Variants in TOX2 observed in about 807,000 individuals in gnomAD.
TOX2 encodes granulosa cell HMG box 1.
In TOX2, 15 loss-of-function variants were observed where a neutral mutation model predicts 47.4. That is an observed-to-expected ratio of 0.32 (90% confidence interval 0.21 to 0.49). TOX2 has a LOEUF of 0.49. TOX2 is among the 20% of genes least tolerant of loss of function. TOX2 has a pLI of 0.99. For synonymous variants in TOX2, 290 were observed against 296.6 expected (o/e 0.98, Z 0.23); for missense variants, 622 against 673.1 (o/e 0.92, Z 0.84).
At chr20:44,052,308 C>T (rs1333544749) in intron 4 of TOX2, among the ~76,000 whole-genome samples, 1 of 152,230 alleles carries the variant, frequency 6.6e-6, no homozygotes, top group Non-Finnish European at 1.5e-5. Context: ...AATCCACCTC[C>T]CGGTGAGAGA....
chr20:43,966,763 A>G (rs1214198013), intron 1 of TOX2, among the ~76,000 whole-genome samples: 1 of 151,526 alleles, frequency 6.6e-6, no homozygotes, highest in African/African-American at 2.4e-5. Flanking sequence ...CAAAAAAAAA[A>G]AAAAAAAGTG....
chr20:43,960,692 A>G (rs1161824418), intron 1 of TOX2, among the ~76,000 whole-genome samples: 1 of 152,222 alleles, frequency 6.6e-6, no homozygotes, highest in East Asian at 1.9e-4. Flanking sequence ...TTTAAAGCAC[A>G]TGCTGATTTC....
rs943804416 is a variant in TOX2 at position 44,066,020 on chromosome 20, G to A, written c.1269G>A (p.Met423Ile). 6.8e-6 allele frequency: 11 copies of A among 1,609,748 alleles called. No homozygotes were observed. Among genetic ancestry groups the A allele is most frequent in the Non-Finnish European group, 9.3e-6 (11 of 1,178,634 alleles). The change falls in exon 7 of 9, where the codon ATG becomes ATA. Residue 423 changes from methionine to isoleucine, a missense_variant. Transcript: ENST00000341197. ...QGALLSPPVSMSPAPQPPVLP... is the reference protein window; with the variant it reads ...QGALLSPPVSISPAPQPPVLP... ...CCCTCCTCAGTCCACCTGTTAGCAT[G>A]TCCCCAGCCCCCCAGCCCCCTGTCC... is the stretch of plus-strand genomic sequence containing the variant.
intron 2 of TOX2, among the ~76,000 whole-genome samples, chr20:43,988,590 GT>G (rs1481727586): frequency 2.0e-5 from 3 of 152,194 alleles, no homozygotes; most frequent in African/African-American, 7.2e-5. Context: ...TGAGATTTTA[GT>G]TTCCGTTTAT....
intron 5 of TOX2, among the ~76,000 whole-genome samples, chr20:44,058,795 T>A (rs946882097): frequency 1.3e-5 from 2 of 152,048 alleles, no homozygotes; most frequent in Admixed American, 1.3e-4. Flanking sequence ...AGAAGAGAAA[T>A]AACAATCACT....
At chr20:43,954,089 G>C (rs1216154792) in intron 1 of TOX2, among the ~76,000 whole-genome samples, 1 of 152,130 alleles carries the variant, frequency 6.6e-6, no homozygotes, top group Non-Finnish European at 1.5e-5. Flanking sequence ...TTCCCATCTG[G>C]GATGAAATCC....
intron 3 of TOX2, chr20:44,038,984 G>A: frequency 8.4e-7 from 1 of 1,196,086 alleles, no homozygotes; most frequent in Non-Finnish European, 1.1e-6. Flanking sequence ...TGCAGATGTG[G>A]CTCGGGAGCG....
At chr20:43,953,350 T>A (rs1165611062) in intron 1 of TOX2, among the ~76,000 whole-genome samples, 2 of 152,212 alleles carry the variant, frequency 1.3e-5, no homozygotes, top group Non-Finnish European at 2.9e-5. Context: ...CGCCTCTGTC[T>A]GCTCAGACAG....
At chr20:43,978,435 A>G (rs1392068873) in intron 2 of TOX2, among the ~76,000 whole-genome samples, 1 of 152,144 alleles carries the variant, frequency 6.6e-6, no homozygotes, top group Non-Finnish European at 1.5e-5. Flanking sequence ...AGAGGAAGCT[A>G]AACTAAGAGT....
intron 1 of TOX2, among the ~76,000 whole-genome samples, chr20:43,964,906 C>T (rs1345735743): frequency 6.6e-6 from 1 of 152,188 alleles, no homozygotes; most frequent in Non-Finnish European, 1.5e-5. Flanking sequence ...TTGCTTCCTA[C>T]ATCATGGAGC....
rs970154008 is a variant in TOX2, at chr20:44,055,096, A to AC, written c.879+573dup. The stretch of plus-strand genomic sequence containing the variant: ...CGGTATGTCACTGAATCCTTACAAC[A>AC]CCCTGTGGAGTAGCCATTGCTTTCC... On this transcript the variant is annotated intron_variant, in intron 5 of 8. Coordinates refer to ENST00000341197, the MANE Select transcript of TOX2 (RefSeq NM_001098797.2). Among the ~76,000 whole-genome samples the AC allele has an allele frequency of 5.3e-5, 8 of 152,094 alleles. No homozygotes were observed. In the South Asian group the frequency reaches 1.5e-3, roughly 28 times the overall value.
intron 3 of TOX2, among the ~76,000 whole-genome samples, chr20:44,015,122 G>A (rs2070856747): frequency 6.6e-6 from 1 of 152,140 alleles, no homozygotes; most frequent in Non-Finnish European, 1.5e-5. Context: ...GATGGAAGTA[G>A]GGGGAGCACT....
At chr20:44,036,703 C>T (rs947563089) in intron 3 of TOX2, among the ~76,000 whole-genome samples, 1 of 152,260 alleles carries the variant, frequency 6.6e-6, no homozygotes, top group Non-Finnish European at 1.5e-5. Context: ...GCATTCTCAT[C>T]TATGGCTGCT....
In TOX2 at chr20:43,916,183, ACG is replaced by A; in HGVS notation, c.99+1196_99+1197del. On this transcript the variant is annotated intron_variant, in intron 1 of 8. Transcript: ENST00000341197. This position sits in a 1 kb window ranked among gnomAD's most constrained non-coding sequence, Gnocchi z 5.0. Reference sequence around the variant, plus strand: ...TGGGTTTCCCGCAGCCCTGGCGCAGACGCGTGGGCTCCGTGGCGATGCGGGGT... The same window carrying A: ...TGGGTTTCCCGCAGCCCTGGCGCAGACGTGGGCTCCGTGGCGATGCGGGGT... 1 of 985,514 alleles carries A rather than the reference ACG, an allele frequency of 1.0e-6. No individual in the cohort carries two copies. Among genetic ancestry groups the A allele is most frequent in the Non-Finnish European group, 1.2e-6 (1 of 829,976 alleles). 61.0% of individuals were successfully genotyped at this position (985,514 alleles called of 1,614,324 possible). A position where few individuals can be genotyped will look rare whatever the true frequency, so the allele number is the denominator to read the frequency against.
At chr20:44,058,232 T>C (rs1399613877) in intron 5 of TOX2, among the ~76,000 whole-genome samples, 1 of 152,238 alleles carries the variant, frequency 6.6e-6, no homozygotes. Context: ...TTCTCAGCCC[T>C]GTTCACTAGC....
intron 1 of TOX2, among the ~76,000 whole-genome samples, chr20:43,928,961 C>G (rs558226457): frequency 1.9e-4 from 27 of 139,450 alleles, no homozygotes; most frequent in Non-Finnish European, 3.7e-4. Context: ...ATGGTGAAAC[C>G]CTGTCTCTAC....
intron 1 of TOX2, among the ~76,000 whole-genome samples, chr20:43,956,574 A>G (rs1251975652): frequency 7.0e-6 from 1 of 143,350 alleles, no homozygotes; most frequent in Non-Finnish European, 1.5e-5. Context: ...AAAAAAAAAA[A>G]AAAAAAAGAC....
chr20:43,993,067 G>A (rs2070398978), intron 2 of TOX2, among the ~76,000 whole-genome samples: 2 of 152,108 alleles, frequency 1.3e-5, no homozygotes, highest in African/African-American at 4.8e-5. Flanking sequence ...AATGAGGAAG[G>A]CACGTGGCAT....
intron 2 of TOX2, among the ~76,000 whole-genome samples, chr20:43,992,140 G>C (rs2070379173): frequency 6.6e-6 from 1 of 152,304 alleles, no homozygotes; most frequent in African/African-American, 2.4e-5. Flanking sequence ...GGACATTGCA[G>C]TAGAGGGAAC....
Sources: gnomAD v4.1 joint callset for allele counts (sites outside exome capture counted in the v4.1 genomes callset) on GRCh38, gnomAD v4.1.1 for gene constraint, Gnocchi (gnomAD v3.1) non-coding constraint, MANE v1.5 for transcripts, NCBI Gene and HGNC (gene_info 2026-07-23, HGNC 2026-07-21) for gene names.